DOCK3: variants seen among roughly 807,000 people sequenced by gnomAD.
The protein encoded by DOCK3 is dedicator of cytokinesis 3.
In DOCK3, 60 loss-of-function variants were observed where a neutral mutation model predicts 265.6. That is an observed-to-expected ratio of 0.23 (90% confidence interval 0.18 to 0.28). DOCK3 has a LOEUF of 0.28. Ranked by LOEUF, DOCK3 falls within the 10% of genes least tolerant of loss-of-function variation. DOCK3 has a pLI of 1.00. For synonymous variants in DOCK3, 881 were observed against 938.0 expected, an observed-to-expected ratio of 0.94 and a Z score of 1.11; for missense variants, 1,981 against 2,594.3, an observed-to-expected ratio of 0.76 and a Z score of 5.14.
At chr3:50,705,521 TTCTCCTGC>T (rs2036349091) in intron 1 of DOCK3, among the ~76,000 whole-genome samples, 1 of 152,144 alleles carries the variant, frequency 6.6e-6, no homozygotes, top group Non-Finnish European at 1.5e-5. Context: ...GTTCAAGCAG[TTCTCCTGC>T]CTCAGCCTCC....
intron 5 of DOCK3, among the ~76,000 whole-genome samples, chr3:50,996,972 C>A (rs1304384292): frequency 7.2e-5 from 11 of 152,168 alleles, no homozygotes; most frequent in Admixed American, 4.6e-4. Flanking sequence ...GATTGTTCAT[C>A]CCTGGCTCTT....
chr3:50,930,514 C>T (rs1283101685), intron 4 of DOCK3, among the ~76,000 whole-genome samples: 3 of 152,176 alleles, frequency 2.0e-5, no homozygotes, highest in Admixed American at 6.5e-5. Flanking sequence ...AGCATGCAGC[C>T]CCGCTGCACT....
rs540512049 is a variant in DOCK3 at position 51,369,155 on chromosome 3, C to G, written c.5294-5314C>G. 2.0e-5 allele frequency among the ~76,000 whole-genome samples: 3 copies of G among 152,348 alleles called. No homozygotes were observed. The East Asian group carries it at 5.8e-4, about 29-fold the overall frequency. The stretch of plus-strand genomic sequence containing the variant: ...CTTCTCCTCCAAAGGAACGCAGCTC[C>G]TCGCCAGCAATGGAACAAAGCTGGA... On this transcript the variant is annotated intron_variant, in intron 49 of 52. Coordinates refer to ENST00000266037, the MANE Select transcript of DOCK3 (RefSeq NM_004947.5).
chr3:51,139,993 A>G (rs1029941649), intron 9 of DOCK3, among the ~76,000 whole-genome samples: 3 of 152,248 alleles, frequency 2.0e-5, no homozygotes, highest in Non-Finnish European at 4.4e-5. Context: ...GGCCGAGTCA[A>G]TTGTTTCACA....
intron 5 of DOCK3, among the ~76,000 whole-genome samples, chr3:50,987,332 G>A (rs1045630034): frequency 2.0e-5 from 3 of 152,072 alleles, no homozygotes; most frequent in African/African-American, 7.2e-5. Flanking sequence ...ATTAATAGTG[G>A]TAGCTGGTAG....
intron 3 of DOCK3, among the ~76,000 whole-genome samples, chr3:50,869,755 C>A (rs1342068734): frequency 6.6e-6 from 1 of 151,972 alleles, no homozygotes; most frequent in African/African-American, 2.4e-5. Context: ...TTAGATTATT[C>A]ATTCAGAGTT....
chr3:51,108,899 C>A (rs534312110), intron 9 of DOCK3, among the ~76,000 whole-genome samples: 18 of 152,260 alleles, frequency 1.2e-4, no homozygotes, highest in Non-Finnish European at 2.2e-4. Context: ...TTCTTAGAGA[C>A]CTTCAAAGAA....
intron 7 of DOCK3, among the ~76,000 whole-genome samples, chr3:51,081,096 A>G (rs4244703): frequency 0.9 from 136,834 of 151,878 alleles, 61,835 homozygotes; most frequent in African/African-American, 0.95. Context: ...TAATATGCAC[A>G]TGGATATTTA....
chr3:50,995,014 G>A (rs1418017836), intron 5 of DOCK3, among the ~76,000 whole-genome samples: 1 of 152,050 alleles, frequency 6.6e-6, no homozygotes, highest in Non-Finnish European at 1.5e-5. Context: ...TGAAAGGGCA[G>A]GCATTCTGTA....
intron 24 of DOCK3, among the ~76,000 whole-genome samples, chr3:51,273,479 C>G (rs2080628776): frequency 6.6e-6 from 1 of 152,170 alleles, no homozygotes; most frequent in Non-Finnish European, 1.5e-5. Flanking sequence ...TAAGTTTGGT[C>G]TCTTCTTCAG....
At chr3:51,152,218 T>A (rs2107405828) in intron 10 of DOCK3, among the ~76,000 whole-genome samples, 1 of 152,268 alleles carries the variant, frequency 6.6e-6, no homozygotes, top group East Asian at 1.9e-4. Flanking sequence ...TCTAAACTTC[T>A]CTTCTCACTT....
At chr3:50,900,162 C>T (rs923522769) in intron 4 of DOCK3, among the ~76,000 whole-genome samples, 31 of 152,180 alleles carry the variant, frequency 2.0e-4, no homozygotes, top group African/African-American at 7.2e-4. Context: ...TTCTTGGAGG[C>T]GTTTTTCGTT....
At chr3:50,803,118 G>A (rs62258668) in intron 2 of DOCK3, among the ~76,000 whole-genome samples, 38,898 of 150,266 alleles carry the variant, frequency 0.26, 5,840 homozygotes, top group South Asian at 0.41. Context: ...GGTGTTTCTC[G>A]GAGACGGGGA....
intron 14 of DOCK3, among the ~76,000 whole-genome samples, chr3:51,223,037 C>T (rs951335557): frequency 5.3e-5 from 8 of 152,218 alleles, no homozygotes; most frequent in African/African-American, 1.9e-4. Flanking sequence ...CTCCGGGGCT[C>T]AAGCGATCCT....
At chr3:50,813,897 GTGTA>G (rs2043909138) in intron 2 of DOCK3, among the ~76,000 whole-genome samples, 2 of 152,164 alleles carry the variant, frequency 1.3e-5, no homozygotes, top group African/African-American at 4.8e-5. Flanking sequence ...AGAATACTGT[GTGTA>G]TGTATGATGG....
chr3:50,840,591 C>G (rs1376512427), intron 2 of DOCK3, among the ~76,000 whole-genome samples: 1 of 152,146 alleles, frequency 6.6e-6, no homozygotes, highest in African/African-American at 2.4e-5. Flanking sequence ...CAATATCATA[C>G]TGTCTTGATT....
At chr3:51,369,124 A>T (rs1296153107) in intron 49 of DOCK3, among the ~76,000 whole-genome samples, 1 of 152,284 alleles carries the variant, frequency 6.6e-6, no homozygotes, top group Non-Finnish European at 1.5e-5. Flanking sequence ...TCTAAAAATC[A>T]GAGCACTTCT....
intron 1 of DOCK3, among the ~76,000 whole-genome samples, chr3:50,692,220 A>ATTTTGT (rs993904933): frequency 2.0e-5 from 3 of 152,048 alleles, no homozygotes; most frequent in African/African-American, 4.8e-5. Flanking sequence ...CCTGGCCTCA[A>ATTTTGT]TTTTGTTTTT....
chr3:50,853,469 C>A (rs1026744121), intron 3 of DOCK3, among the ~76,000 whole-genome samples: 3 of 152,162 alleles, frequency 2.0e-5, no homozygotes, highest in African/African-American at 4.8e-5. Context: ...CTCCCTCCTT[C>A]CTGCTTCTTG....
Sources: allele counts gnomAD v4.1 joint callset (sites outside exome capture counted in the v4.1 genomes callset), GRCh38; gene constraint gnomAD v4.1.1; transcripts MANE v1.5; gene names NCBI Gene and HGNC (gene_info 2026-07-23, HGNC 2026-07-21).